SLAMF6: variants seen among roughly 807,000 people sequenced by gnomAD.
SLAMF6 encodes the protein NK-T-B-antigen.
Under a neutral mutation model 38.3 loss-of-function variants are expected in SLAMF6, and 21 were observed. The observed-to-expected ratio is 0.55, with a 90% CI of 0.39 to 0.79. SLAMF6 has a LOEUF of 0.79. SLAMF6 is among the 30% of genes least tolerant of loss of function. The pLI, the probability that SLAMF6 is intolerant of heterozygous loss-of-function variation, is 0.00. For missense variants in SLAMF6, 341 were observed against 385.3 expected (o/e 0.89, Z 0.96); for synonymous variants, 152 against 146.3 (o/e 1.04, Z -0.28).
chr1:160,502,759 G>A (rs1485161776), intron 1 of SLAMF6, among the ~76,000 whole-genome samples: 3 of 152,138 alleles, frequency 2.0e-5, no homozygotes, highest in Non-Finnish European at 2.9e-5. Flanking sequence ...ACTAGCTTAG[G>A]CCCATCTATA....
chr1:160,508,860 T>C (rs1483912322), intron 1 of SLAMF6, among the ~76,000 whole-genome samples: 1 of 152,076 alleles, frequency 6.6e-6, no homozygotes, highest in Non-Finnish European at 1.5e-5. Context: ...TGAAGACACT[T>C]CTCAAAAGAA....
intron 1 of SLAMF6, among the ~76,000 whole-genome samples, chr1:160,518,017 A>C (rs2102069377): frequency 6.6e-6 from 1 of 152,280 alleles, no homozygotes; most frequent in South Asian, 2.1e-4. Context: ...AAAAATAAAA[A>C]TTAAAAGAAA....
In SLAMF6 at chr1:160,486,669, C is replaced by T. The variant is rs752374715; in HGVS notation, c.*38G>A. On this transcript the variant is annotated 3_prime_UTR_variant, in exon 8 of 8. Transcript: ENST00000368057. ...TGTTCTGTCTCATGGGATCAGAAGA[C>T]GTGTCATTCCCGAATTCCTCTGAGG... The T allele has an allele frequency of 8.3e-5, 131 of 1,577,856 alleles. No homozygotes were observed. Among genetic ancestry groups the T allele is most frequent in the Non-Finnish European group, 1.1e-4 (128 of 1,147,602 alleles).
At chr1:160,510,589 C>T (rs559482270) in intron 1 of SLAMF6, among the ~76,000 whole-genome samples, 1 of 152,236 alleles carries the variant, frequency 6.6e-6, no homozygotes, top group South Asian at 2.1e-4. Context: ...GGAACTTCCT[C>T]AGTCTGATAA....
At chr1:160,503,056 C>T (rs576184270) in intron 1 of SLAMF6, among the ~76,000 whole-genome samples, 99 of 152,208 alleles carry the variant, frequency 6.5e-4, no homozygotes, top group Admixed American at 6.3e-3. Context: ...GGCTTAGGAG[C>T]ATAAGTGAAG....
At chr1:160,489,559 C>T (rs945556175) in intron 5 of SLAMF6, among the ~76,000 whole-genome samples, 1 of 152,160 alleles carries the variant, frequency 6.6e-6, no homozygotes, top group African/African-American at 2.4e-5. Flanking sequence ...TCAGAGGTCT[C>T]TACAGCGGAT....
intron 1 of SLAMF6, among the ~76,000 whole-genome samples, chr1:160,504,805 A>T (rs1654095553): frequency 6.6e-6 from 1 of 152,252 alleles, no homozygotes; most frequent in Admixed American, 6.5e-5. Context: ...GAATTCAGGC[A>T]TTAAGAAAAT....
At chr1:160,512,875 G>A (rs756619207) in intron 1 of SLAMF6, among the ~76,000 whole-genome samples, 2 of 152,058 alleles carry the variant, frequency 1.3e-5, no homozygotes, top group Non-Finnish European at 2.9e-5. Context: ...CAGACTCAAA[G>A]ATCAAAGCTA....
At chr1:160,500,035 G>C (rs964650976) in intron 1 of SLAMF6, among the ~76,000 whole-genome samples, 4 of 152,224 alleles carry the variant, frequency 2.6e-5, no homozygotes, top group African/African-American at 9.6e-5. Context: ...AATCTATGCT[G>C]TCAGAAGTCA....
At chr1:160,491,809 G>A (rs1226198405) in intron 2 of SLAMF6, among the ~76,000 whole-genome samples, 1 of 152,194 alleles carries the variant, frequency 6.6e-6, no homozygotes, top group Non-Finnish European at 1.5e-5. Context: ...GAGACCAGGT[G>A]GAAGAGTCCT....
At position 160,515,016 on chromosome 1, in the gene SLAMF6, T is replaced by A. The variant is rs144182685; in HGVS notation, c.49+8128A>T. On this transcript the variant is annotated intron_variant, in intron 1 of 7. Transcript: ENST00000368057. ...GAAATAACCAAGATCAAAGCAGAAC[T>A]GAAGGAGATAGATAAAAGAAGAATG... is the stretch of plus-strand genomic sequence containing the variant. 3.4e-3 allele frequency among the ~76,000 whole-genome samples: 518 copies of A among 151,850 alleles called. 3 individuals carry two copies. The highest frequency in any genetic ancestry group is 0.012 in the African/African-American group (505 of 41,400).
At chr1:160,522,360 C>T (rs1353019076) in intron 1 of SLAMF6, among the ~76,000 whole-genome samples, 1 of 152,174 alleles carries the variant, frequency 6.6e-6, no homozygotes, top group Non-Finnish European at 1.5e-5. Flanking sequence ...TCAGTGAATG[C>T]TTCCTACTTT....
intron 1 of SLAMF6, among the ~76,000 whole-genome samples, chr1:160,522,933 T>C (rs942947422): frequency 2.6e-5 from 4 of 152,182 alleles, no homozygotes; most frequent in Non-Finnish European, 5.9e-5. Context: ...GCAGACACAA[T>C]TGAAATTGTT....
chr1:160,488,245 C>CT (rs1557932707), intron 6 of SLAMF6, among the ~76,000 whole-genome samples: 1 of 151,904 alleles, frequency 6.6e-6, no homozygotes, highest in Non-Finnish European at 1.5e-5. Flanking sequence ...TGTGAGTTGA[C>CT]TTGTTTTCAG....
rs532445258 is a variant in SLAMF6, at chr1:160,512,672, C to T, written c.49+10472G>A. On this transcript the variant is annotated intron_variant, in intron 1 of 7. Coordinates refer to ENST00000368057, the MANE Select transcript of SLAMF6 (RefSeq NM_001184714.2). ...AGGAAGAAGCAGGCAGCCATCTTTG[C>T]GGTTCTGCAGCCTCCACTGGTGACA... Among the ~76,000 whole-genome samples, 12 of 152,254 alleles carry T rather than the reference C, an allele frequency of 7.9e-5. No homozygotes were observed. In the South Asian group the frequency reaches 8.3e-4, roughly 11 times the overall value.
At chr1:160,516,905 C>T (rs1250031685) in intron 1 of SLAMF6, among the ~76,000 whole-genome samples, 1 of 152,084 alleles carries the variant, frequency 6.6e-6, no homozygotes, top group East Asian at 1.9e-4. Context: ...ACTATGAAAA[C>T]CCTAGAATAC....
chr1:160,490,300 C>G, intron 4 of SLAMF6, 64 bp from the exon 5 acceptor site: 1 of 1,609,820 alleles, frequency 6.2e-7, no homozygotes. Flanking sequence ...TCACCCCTAA[C>G]CCCGTGAGTG....
chr1:160,514,094 C>T (rs533662947), intron 1 of SLAMF6, among the ~76,000 whole-genome samples: 2 of 152,194 alleles, frequency 1.3e-5, no homozygotes, highest in African/African-American at 4.8e-5. Flanking sequence ...ATTGTGAAGA[C>T]CCATTGGTGT....
chr1:160,494,688 G>A (rs994761312), intron 2 of SLAMF6, among the ~76,000 whole-genome samples: 1 of 152,184 alleles, frequency 6.6e-6, no homozygotes, highest in African/African-American at 2.4e-5. Context: ...ACCTGACTAT[G>A]GAGGTAGAGA....
Sources: allele counts gnomAD v4.1 joint callset (sites outside exome capture counted in the v4.1 genomes callset), GRCh38; gene constraint gnomAD v4.1.1; transcripts MANE v1.5; gene names NCBI Gene and HGNC (gene_info 2026-07-23, HGNC 2026-07-21).